TRMT11: variants seen among roughly 807,000 people sequenced by gnomAD.
TRMT11 encodes tRNA methyltransferase 11.
Under a neutral mutation model 62.8 loss-of-function variants are expected in TRMT11, and 53 were observed. The ratio of observed to expected loss-of-function variants is 0.84; its 90% CI spans 0.68 to 1.06. TRMT11 has a LOEUF of 1.06. TRMT11 is among the 50% of genes least tolerant of loss of function. The pLI is 0.00. For missense variants in TRMT11, 556 were observed against 553.4 expected, an observed-to-expected ratio of 1.00 and a Z score of -0.05; for synonymous variants, 188 against 190.3, an observed-to-expected ratio of 0.99 and a Z score of 0.10.
chr6:126,063,587 G>C (rs967932425), intron 17 of TRMT11, among the ~76,000 whole-genome samples: 2 of 152,230 alleles, frequency 1.3e-5, no homozygotes, highest in Non-Finnish European at 2.9e-5. Context: ...AAATGTTAAT[G>C]TGCAGACGAA....
chr6:126,197,579 T>C (rs1778680904), intron 1 of TRMT11, among the ~76,000 whole-genome samples: 1 of 152,232 alleles, frequency 6.6e-6, no homozygotes, highest in African/African-American at 2.4e-5. Context: ...AAAAGATTTC[T>C]GTATATTCCT....
At chr6:126,253,630 AT>A in the TRMT11 span, among the ~76,000 whole-genome samples, 1 of 152,142 alleles carries the variant, frequency 6.6e-6, no homozygotes, top group African/African-American at 2.4e-5. Flanking sequence ...GGCGACAGGA[AT>A]TTTTCAGCTC....
downstream of TRMT11, among the ~76,000 whole-genome samples, chr6:126,040,514 A>T (rs1254924464): frequency 6.6e-6 from 1 of 152,048 alleles, no homozygotes; most frequent in East Asian, 1.9e-4. Context: ...AGAGAGTTTT[A>T]TTTTTTGGCG....
intron 21 of TRMT11, among the ~76,000 whole-genome samples, chr6:126,117,123 A>T (rs1380264133): frequency 2.6e-5 from 4 of 152,056 alleles, no homozygotes; most frequent in Non-Finnish European, 5.9e-5. Flanking sequence ...ACTTTTGTAC[A>T]TTTGCTTTTT....
chr6:126,269,248 A>G, the TRMT11 span, among the ~76,000 whole-genome samples: 1 of 137,594 alleles, frequency 7.3e-6, no homozygotes, highest in East Asian at 2.0e-4. Flanking sequence ...TGGGCGACAG[A>G]GCGAGACTCC....
chr6:125,991,861 T>G (rs184555848), intron 1 of TRMT11, among the ~76,000 whole-genome samples: 1 of 152,362 alleles, frequency 6.6e-6, no homozygotes, highest in East Asian at 1.9e-4. Flanking sequence ...TAGTGTTTAC[T>G]AAAGTTCAAA....
chr6:126,151,806 T>TTTTCTTTCTTTCTTTAGTTTCCTTTC (rs1778045447), intron 21 of TRMT11, among the ~76,000 whole-genome samples: 41 of 86,954 alleles, frequency 4.7e-4, no homozygotes, highest in African/African-American at 1.9e-3. Context: ...CCTCTCTGTC[T>TTTTCTTTCTTTCTTTAGTTTCCTTTC]TTTCTTTCTT....
chr6:126,040,475 C>T (rs1445913133), downstream of TRMT11, among the ~76,000 whole-genome samples: 1 of 152,034 alleles, frequency 6.6e-6, no homozygotes, highest in Non-Finnish European at 1.5e-5. Context: ...GGTTTTAGAG[C>T]ATAGGTCTCA....
chr6:126,251,006 C>T, the TRMT11 span, among the ~76,000 whole-genome samples: 3 of 151,360 alleles, frequency 2.0e-5, no homozygotes, highest in African/African-American at 7.3e-5. Context: ...GGCCAGATCC[C>T]AATTTGTTTT....
chr6:126,159,575 G>A (rs867310850), intron 21 of TRMT11, among the ~76,000 whole-genome samples: 7 of 152,072 alleles, frequency 4.6e-5, no homozygotes, highest in Admixed American at 2.6e-4. Flanking sequence ...ATTATAATAC[G>A]GACAAATAAG....
intron 12 of TRMT11, among the ~76,000 whole-genome samples, chr6:126,027,726 A>C (rs1036834709): frequency 7.2e-5 from 11 of 152,162 alleles, no homozygotes; most frequent in Non-Finnish European, 1.5e-4. Context: ...CAGTTTATGT[A>C]ATTTTTTATT....
At chr6:126,019,047 A>G (rs1361259669) in intron 11 of TRMT11, among the ~76,000 whole-genome samples, 2 of 151,924 alleles carry the variant, frequency 1.3e-5, no homozygotes, top group Non-Finnish European at 1.5e-5. Context: ...TGCCTGGCTA[A>G]TTTTGTATTT....
intron 21 of TRMT11, among the ~76,000 whole-genome samples, chr6:126,120,269 A>C (rs953474757): frequency 1.3e-5 from 2 of 152,088 alleles, no homozygotes; most frequent in Admixed American, 6.6e-5. Context: ...GCAAGATTCC[A>C]TCTCAAAATA....
the TRMT11 span, among the ~76,000 whole-genome samples, chr6:126,248,048 A>C: frequency 1.3e-5 from 2 of 152,226 alleles, no homozygotes; most frequent in Admixed American, 6.5e-5. Context: ...CGTATGCTTG[A>C]AAACTGAGAT....
chr6:126,012,682 T>C lies in TRMT11; in HGVS notation c.926-89T>C, dbSNP rs775227847. Reference sequence around the variant, plus strand: ...TGGTGATGTTGTGTTCTTCTCAGGGTGTCACATTTGAAGGCAGCATGGCTG... The same window carrying C: ...TGGTGATGTTGTGTTCTTCTCAGGGCGTCACATTTGAAGGCAGCATGGCTG... On this transcript the variant is annotated intron_variant, in intron 9 of 12. Coordinates refer to ENST00000334379, the MANE Select transcript of TRMT11 (RefSeq NM_001031712.3). The C allele has an allele frequency of 3.6e-6, 3 of 843,922 alleles. 1 individual carries two copies. Among genetic ancestry groups the C allele is most frequent in the Non-Finnish European group, 5.8e-6 (3 of 514,228 alleles). The allele number at this position is 843,922 out of a possible 1,614,324, so 52.3% of individuals were successfully genotyped here.
intron 17 of TRMT11, among the ~76,000 whole-genome samples, chr6:126,082,573 A>T (rs1353078138): frequency 2.6e-5 from 4 of 152,092 alleles, no homozygotes; most frequent in Non-Finnish European, 4.4e-5. Context: ...TCTATGCTCT[A>T]AAATGATTTA....
chr6:126,054,245 C>T (rs558456502), intron 17 of TRMT11, among the ~76,000 whole-genome samples: 1 of 152,248 alleles, frequency 6.6e-6, no homozygotes, highest in East Asian at 1.9e-4. Context: ...GTGGCTTTGC[C>T]TTTGCTCCAG....
intron 21 of TRMT11, among the ~76,000 whole-genome samples, chr6:126,171,827 T>C (rs1233609349): frequency 6.6e-6 from 1 of 152,116 alleles, no homozygotes; most frequent in Non-Finnish European, 1.5e-5. Flanking sequence ...CAAACGATTC[T>C]CCTGCCTCAG....
intron 21 of TRMT11, among the ~76,000 whole-genome samples, chr6:126,126,062 A>ACAC (rs1290597769): frequency 6.6e-6 from 1 of 152,000 alleles, no homozygotes; most frequent in Non-Finnish European, 1.5e-5. Flanking sequence ...TTTGCCTAGG[A>ACAC]CACCACCACT....
Sources: gnomAD v4.1 joint callset for allele counts (sites outside exome capture counted in the v4.1 genomes callset) on GRCh38, gnomAD v4.1.1 for gene constraint, MANE v1.5 for transcripts, NCBI Gene and HGNC (gene_info 2026-07-23, HGNC 2026-07-21) for gene names.